The following PCDHA3 variants were observed in gnomAD, a reference collection of about 807,000 sequenced individuals.
PCDHA3 encodes protocadherin alpha-3.
Under a neutral mutation model 62.2 loss-of-function variants are expected in PCDHA3, and 41 were observed. The observed-to-expected ratio is 0.66, with a 90% CI of 0.51 to 0.86. The LOEUF is 0.86. PCDHA3 is among the 40% of genes least tolerant of loss of function. The pLI is 0.00. For missense variants in PCDHA3, 1,304 were observed against 1,241.2 expected, an observed-to-expected ratio of 1.05 and a Z score of -0.76; for synonymous variants, 640 against 555.4, an observed-to-expected ratio of 1.15 and a Z score of -2.14.
rs1158226302 is a variant in PCDHA3, at chr5:140,856,812, T to C, written c.2394+53221T>C. 1.9e-6 allele frequency: 3 copies of C among 1,594,276 alleles called. 1 individual carries two copies. Among genetic ancestry groups the C allele is most frequent in the Non-Finnish European group, 2.6e-6 (3 of 1,164,510 alleles). ...GAAGTTAAGATGTATGAAAATCAAG[T>C]GAACCAAACATTAGTAATACGGCTC... On this transcript the variant is annotated intron_variant, in intron 1 of 3. Coordinates refer to ENST00000522353, the MANE Select transcript of PCDHA3 (RefSeq NM_018906.3).
chr5:140,993,661 A>G (rs902592339), intron 3 of PCDHA3, among the ~76,000 whole-genome samples: 1 of 152,182 alleles, frequency 6.6e-6, no homozygotes, highest in African/African-American at 2.4e-5. Flanking sequence ...TTGGTTAACA[A>G]TGGACCACAT....
At chr5:140,877,637 G>C in intron 1 of PCDHA3, 1 of 1,613,638 alleles carries the variant, frequency 6.2e-7, no homozygotes, top group South Asian at 1.1e-5. Context: ...ACTGCGCTGC[G>C]TTGCTCAGCG....
At chr5:140,983,379 C>T (rs1169260784) in intron 3 of PCDHA3, among the ~76,000 whole-genome samples, 1 of 152,162 alleles carries the variant, frequency 6.6e-6, no homozygotes, top group Non-Finnish European at 1.5e-5. Context: ...AGGCCCATCG[C>T]TGTGGCAGTT....
At chr5:140,836,455 C>A in intron 1 of PCDHA3, 1 of 1,613,840 alleles carries the variant, frequency 6.2e-7, no homozygotes, top group Non-Finnish European at 8.5e-7. Context: ...GGCCCAGAGA[C>A]CGAGCTGGTG....
intron 1 of PCDHA3, chr5:140,823,562 T>C (rs2150126936): frequency 6.2e-7 from 1 of 1,613,920 alleles, no homozygotes; most frequent in Non-Finnish European, 8.5e-7. Flanking sequence ...GTGCGCGCAG[T>C]GGACCCTGAT....
chr5:140,824,610 G>GTTTGT (rs1768197195), intron 1 of PCDHA3: 2 of 95,104 alleles, frequency 2.1e-5, no homozygotes, highest in African/African-American at 4.9e-5. Context: ...GCTAATTAAA[G>GTTTGT]TTTTTTTTTT....
At position 140,847,437 on chromosome 5, in the gene PCDHA3, C is replaced by T. The variant is rs959002697; in HGVS notation, c.2394+43846C>T. The T allele has an allele frequency of 2.0e-5, 3 of 149,574 alleles. 1 individual carries two copies. The highest frequency in any genetic ancestry group is 4.5e-5 in the Non-Finnish European group (3 of 66,910). 9.3% of individuals were successfully genotyped at this position (149,574 alleles called of 1,614,324 possible). ...CGGTTTTGCCTTTAGACTTGAGATA[C>T]ACTAAAATCTAGATTTAATTAATCG... is the stretch of plus-strand genomic sequence containing the variant. On this transcript the variant is annotated intron_variant, in intron 1 of 3. Coordinates refer to ENST00000522353, the MANE Select transcript of PCDHA3 (RefSeq NM_018906.3).
At position 141,011,314 on chromosome 5, in the gene PCDHA3, T is replaced by G. The variant is rs1269900647; in HGVS notation, c.*1377T>G. 2.0e-5 allele frequency: 3 copies of G among 153,782 alleles called. No homozygotes were observed. Among genetic ancestry groups the G allele is most frequent in the Non-Finnish European group, 4.4e-5 (3 of 68,040 alleles). 9.5% of individuals were successfully genotyped at this position (153,782 alleles called of 1,614,324 possible). On this transcript the variant is annotated 3_prime_UTR_variant, in exon 4 of 4. Coordinates refer to ENST00000522353, the MANE Select transcript of PCDHA3 (RefSeq NM_018906.3). ...CTATAACACTCTGAATTGCTAATCT[T>G]ACTAACACCTATGATGTTACCTGAA...
chr5:140,830,286 G>A (rs1434180043), intron 1 of PCDHA3: 3 of 1,613,856 alleles, frequency 1.9e-6, no homozygotes, highest in Admixed American at 1.7e-5. Context: ...GAGGGCGCGT[G>A]CACGGCGGAC....
At chr5:140,963,421 T>C (rs1554226598) in intron 1 of PCDHA3, among the ~76,000 whole-genome samples, 2 of 152,252 alleles carry the variant, frequency 1.3e-5, no homozygotes, top group African/African-American at 4.8e-5. Flanking sequence ...ACAGCATGTT[T>C]AGGAACTAAC....
chr5:140,927,363 GAT>G (rs1188531316), intron 1 of PCDHA3: 33 of 1,613,946 alleles, frequency 2.0e-5, no homozygotes, highest in Non-Finnish European at 2.7e-5. Context: ...GAAGCAATGG[GAT>G]ACTAAGCTAC....
intron 1 of PCDHA3, chr5:140,822,158 A>G (rs2150114176): frequency 6.2e-7 from 1 of 1,614,246 alleles, no homozygotes; most frequent in East Asian, 2.2e-5. Context: ...ATCAATGACA[A>G]TCCGCCCAGG....
At chr5:140,869,020 T>C in intron 1 of PCDHA3, 8 of 1,525,458 alleles carry the variant, frequency 5.2e-6, no homozygotes, top group Non-Finnish European at 7.0e-6. Flanking sequence ...TTCTTAAGAA[T>C]TCAACGAGAT....
intron 1 of PCDHA3, chr5:140,883,550 C>A: frequency 6.2e-7 from 1 of 1,614,188 alleles, no homozygotes; most frequent in Non-Finnish European, 8.5e-7. Flanking sequence ...GGTGACCGCG[C>A]GGGACGGGGG....
At chr5:140,967,475 C>T (rs555659207) in intron 1 of PCDHA3, 1 of 1,613,342 alleles carries the variant, frequency 6.2e-7, no homozygotes, top group South Asian at 1.1e-5. Context: ...CATCCCAGCC[C>T]GCTCGGGTAC....
chr5:140,841,299 C>G (rs2150312843), intron 1 of PCDHA3: 11 of 1,365,702 alleles, frequency 8.1e-6, no homozygotes, highest in East Asian at 5.9e-5. Flanking sequence ...ATAATATTTT[C>G]TGATAGGAAA....
intron 1 of PCDHA3, chr5:140,863,200 GC>G: frequency 1.1e-6 from 1 of 918,418 alleles, no homozygotes. Context: ...GGCGTCGCTG[GC>G]GGAGAGCAGC....
At chr5:140,873,722 G>A (rs371744747) in intron 1 of PCDHA3, among the ~76,000 whole-genome samples, 2 of 152,198 alleles carry the variant, frequency 1.3e-5, no homozygotes, top group South Asian at 2.1e-4. Flanking sequence ...GTGCAGTGGC[G>A]CAATCTCAGC....
chr5:140,891,744 A>G (rs2063231419), intron 1 of PCDHA3, among the ~76,000 whole-genome samples: 1 of 152,070 alleles, frequency 6.6e-6, no homozygotes, highest in South Asian at 2.1e-4. Context: ...AATCCCTTAT[A>G]CAACAGTGTT....
Sources: gnomAD v4.1 joint callset for allele counts (sites outside exome capture counted in the v4.1 genomes callset) on GRCh38, gnomAD v4.1.1 for gene constraint, MANE v1.5 for transcripts, NCBI Gene and HGNC (gene_info 2026-07-23, HGNC 2026-07-21) for gene names.